The following PKNOX2 variants were observed in gnomAD, a reference collection of about 807,000 sequenced individuals.
PKNOX2 encodes homeobox protein PKNOX2.
A neutral mutation model predicts 53.1 loss-of-function variants in PKNOX2; 14 were observed. That is an observed-to-expected ratio of 0.26 (90% CI 0.17 to 0.41). The LOEUF is 0.41. Among genes scored for constraint, PKNOX2 ranks in the 10% least tolerant of loss-of-function variants. The pLI, the probability that PKNOX2 is intolerant of heterozygous loss-of-function variation, is 1.00. For missense variants in PKNOX2, 496 were observed against 602.8 expected (o/e 0.82, Z 1.85); for synonymous variants, 257 against 242.8 (o/e 1.06, Z -0.54).
rs1286541225 is a variant in PKNOX2, at chr11:125,251,624, G to T, written c.-130+16509G>T. 2.6e-5 allele frequency among the ~76,000 whole-genome samples: 4 copies of T among 151,820 alleles called. No homozygotes were observed. In the East Asian group the frequency reaches 7.7e-4, roughly 29 times the overall value. On this transcript the variant is annotated intron_variant, in intron 2 of 12. Coordinates refer to ENST00000298282, the MANE Select transcript of PKNOX2 (RefSeq NM_001382323.2). ...GGGAGCTGAGATCTACACAGATGGG[G>T]TGCAGGGGAGCAAGAGGGGAAGGGG... is the stretch of plus-strand genomic sequence containing the variant.
chr11:125,384,601 G>A (rs918456658), intron 5 of PKNOX2, among the ~76,000 whole-genome samples: 4 of 152,114 alleles, frequency 2.6e-5, no homozygotes, highest in Non-Finnish European at 4.4e-5. Context: ...GGAGAATGGC[G>A]TGAACCCAGG....
At chr11:125,178,634 GAA>G (rs1565462405) in intron 1 of PKNOX2, among the ~76,000 whole-genome samples, 1 of 94,324 alleles carries the variant, frequency 1.1e-5, no homozygotes, top group African/African-American at 7.2e-5. Flanking sequence ...AAGAAAGAAA[GAA>G]AGAAAGAAAG....
intron 4 of PKNOX2, among the ~76,000 whole-genome samples, chr11:125,361,844 G>C (rs975382625): frequency 3.8e-4 from 58 of 152,330 alleles, no homozygotes; most frequent in African/African-American, 1.4e-3. Context: ...TTGGGCCTCC[G>C]GGCTCCAGAA....
intron 8 of PKNOX2, 84 bp from the exon 9 acceptor site, chr11:125,410,695 G>A (rs1955454599): frequency 4.8e-6 from 5 of 1,051,664 alleles, no homozygotes; most frequent in Non-Finnish European, 7.3e-6. Flanking sequence ...TTACACATGA[G>A]TGCCAAATGA....
At chr11:125,187,467 C>T (rs1448157467) in intron 1 of PKNOX2, among the ~76,000 whole-genome samples, 4 of 152,010 alleles carry the variant, frequency 2.6e-5, no homozygotes, top group Non-Finnish European at 5.9e-5. Flanking sequence ...CTATTTTAAA[C>T]AGAATTGTAT....
chr11:125,420,026 A>G (rs1251683348), intron 10 of PKNOX2, among the ~76,000 whole-genome samples: 1 of 151,506 alleles, frequency 6.6e-6, no homozygotes, highest in Non-Finnish European at 1.5e-5. Flanking sequence ...TCTCTACTAA[A>G]AATACAAAAA....
chr11:125,277,109 C>CTA (rs1446298143), intron 2 of PKNOX2, among the ~76,000 whole-genome samples: 1 of 152,068 alleles, frequency 6.6e-6, no homozygotes, highest in Non-Finnish European at 1.5e-5. Context: ...TCAGAGTAAG[C>CTA]TAGGGTGGCA....
At chr11:125,253,655 T>C (rs1944178096) in intron 2 of PKNOX2, among the ~76,000 whole-genome samples, 1 of 152,210 alleles carries the variant, frequency 6.6e-6, no homozygotes, top group African/African-American at 2.4e-5. Context: ...ACCTTGGGTT[T>C]TCCCAAGGAA....
chr11:125,289,834 C>G (rs1947190748), intron 2 of PKNOX2, among the ~76,000 whole-genome samples: 1 of 152,196 alleles, frequency 6.6e-6, no homozygotes, highest in East Asian at 1.9e-4. Flanking sequence ...TGCTCATTAG[C>G]TGTGTAAGCA....
chr11:125,252,194 G>C (rs746658164), intron 2 of PKNOX2, among the ~76,000 whole-genome samples: 2 of 152,220 alleles, frequency 1.3e-5, no homozygotes, highest in African/African-American at 2.4e-5. Flanking sequence ...GGCAGAGGGA[G>C]CTTGGTGAAT....
At chr11:125,200,358 A>G (rs1319711744) in intron 1 of PKNOX2, among the ~76,000 whole-genome samples, 1 of 152,112 alleles carries the variant, frequency 6.6e-6, no homozygotes, top group Non-Finnish European at 1.5e-5. Context: ...AACCTGCCCA[A>G]TCTCACCGAA....
chr11:125,264,928 C>T (rs1030950164), intron 2 of PKNOX2, among the ~76,000 whole-genome samples: 6 of 152,166 alleles, frequency 3.9e-5, no homozygotes, highest in South Asian at 2.1e-4. Context: ...GCTCTGGGGG[C>T]GTAAAGAAAG....
chr11:125,169,965 C>T (rs1326241696), intron 1 of PKNOX2, among the ~76,000 whole-genome samples: 2 of 152,246 alleles, frequency 1.3e-5, no homozygotes, highest in African/African-American at 4.8e-5. Context: ...CCTGGAATAG[C>T]TGTCCTGTAT....
intron 2 of PKNOX2, among the ~76,000 whole-genome samples, chr11:125,261,255 T>C (rs1320047192): frequency 6.6e-6 from 1 of 152,228 alleles, no homozygotes; most frequent in African/African-American, 2.4e-5. Context: ...CACATATTTA[T>C]GTTATCTGTC....
At chr11:125,372,110 C>T (rs577187337) in intron 5 of PKNOX2, among the ~76,000 whole-genome samples, 4 of 152,136 alleles carry the variant, frequency 2.6e-5, no homozygotes, top group African/African-American at 4.8e-5. Context: ...GCTTGTTGGA[C>T]GGCTTCATTA....
At chr11:125,216,921 G>A (rs1246169112) in intron 1 of PKNOX2, among the ~76,000 whole-genome samples, 1 of 152,130 alleles carries the variant, frequency 6.6e-6, no homozygotes, top group Non-Finnish European at 1.5e-5. Flanking sequence ...TTCACATGGG[G>A]CATGTTCAGG....
At chr11:125,411,155 T>C in intron 9 of PKNOX2, 1 of 372,724 alleles carries the variant, frequency 2.7e-6, no homozygotes, top group Non-Finnish European at 5.0e-6. Context: ...TGGTAGAGAG[T>C]GCACACACAA....
At chr11:125,252,089 C>G (rs980234810) in intron 2 of PKNOX2, among the ~76,000 whole-genome samples, 21 of 152,188 alleles carry the variant, frequency 1.4e-4, no homozygotes, top group Admixed American at 1.4e-3. Context: ...GGCAAGGCCA[C>G]AGCGCTCGTC....
chr11:125,195,023 T>A (rs1329367427), intron 1 of PKNOX2, among the ~76,000 whole-genome samples: 2 of 152,164 alleles, frequency 1.3e-5, no homozygotes, highest in Non-Finnish European at 2.9e-5. Context: ...AATGGAGGCA[T>A]GGAACGCTTA....
Sources: gnomAD v4.1 joint callset for allele counts (sites outside exome capture counted in the v4.1 genomes callset) on GRCh38, gnomAD v4.1.1 for gene constraint, MANE v1.5 for transcripts, NCBI Gene and HGNC (gene_info 2026-07-23, HGNC 2026-07-21) for gene names.